The following PCDH15 variants were observed in gnomAD, a reference collection of about 807,000 sequenced individuals.
PCDH15 encodes the protein protocadherin related 15, also known as protocadherin-15.
PCDH15 carries 129 observed loss-of-function variants against 178.5 expected under a neutral mutation model. That is an observed-to-expected ratio of 0.72 (90% CI 0.63 to 0.84). The LOEUF is 0.84. Among genes scored for constraint, PCDH15 ranks in the 40% least tolerant of loss-of-function variants. PCDH15 has a pLI of 0.00. For synonymous variants in PCDH15, 800 were observed against 732.0 expected, an observed-to-expected ratio of 1.09 and a Z score of -1.50; for missense variants, 2,230 against 2,099.9, an observed-to-expected ratio of 1.06 and a Z score of -1.21.
chr10:54,503,285 A>G lies in PCDH15; in HGVS notation c.157+24527T>C, dbSNP rs1455041403. On this transcript the variant is annotated intron_variant, in intron 3 of 37. Coordinates refer to ENST00000644397, the MANE Select transcript of PCDH15 (RefSeq NM_001384140.1). Reference sequence around the variant, plus strand: ...TGTGTGATTATATATATTTATATATAATATATAAAATATTATATAATATAT... The same window carrying G: ...TGTGTGATTATATATATTTATATATGATATATAAAATATTATATAATATAT... 2.8e-5 allele frequency among the ~76,000 whole-genome samples: 4 copies of G among 143,758 alleles called. No homozygotes were observed. The East Asian group carries it at 8.6e-4, about 31-fold the overall frequency. The allele number at this position is 143,758 out of a possible 152,430, so 94.3% of individuals were successfully genotyped here.
intron 9 of PCDH15, among the ~76,000 whole-genome samples, chr10:54,219,111 A>C (rs1269351617): frequency 1.9e-4 from 28 of 144,944 alleles, no homozygotes; most frequent in African/African-American, 5.3e-4. Context: ...AAAAAAACAA[A>C]AAAAAAACAA....
intron 23 of PCDH15, among the ~76,000 whole-genome samples, chr10:53,943,985 C>T (rs534840736): frequency 6.6e-6 from 1 of 152,194 alleles, no homozygotes; most frequent in African/African-American, 2.4e-5. Flanking sequence ...TGCATACTCT[C>T]TTTGGAGTCA....
chr10:55,245,142 C>T (rs1192254021), intron 1 of PCDH15, among the ~76,000 whole-genome samples: 2 of 152,004 alleles, frequency 1.3e-5, no homozygotes, highest in Non-Finnish European at 2.9e-5. Flanking sequence ...TAGAGTGTAT[C>T]ATGATGTGTA....
At chr10:55,469,924 T>G (rs1417364095) in intron 2 of PCDH15, among the ~76,000 whole-genome samples, 3 of 152,150 alleles carry the variant, frequency 2.0e-5, no homozygotes, top group Non-Finnish European at 4.4e-5. Context: ...GCAGTATGTA[T>G]TCATCTTTCC....
chr10:53,922,762 A>C lies in PCDH15; in HGVS notation c.3373+16053T>G, dbSNP rs2084106466. ...CAAAACTGAACCACTAAACTGGTTA[A>C]AGTATCCAACTTTCTTGTGTATTTT... On this transcript the variant is annotated intron_variant, in intron 25 of 37. Coordinates refer to ENST00000644397, the MANE Select transcript of PCDH15 (RefSeq NM_001384140.1). Among the ~76,000 whole-genome samples, 3 of 152,180 alleles carry C rather than the reference A, an allele frequency of 2.0e-5. No individual in the cohort carries two copies. The South Asian group carries it at 6.2e-4, about 31-fold the overall frequency.
At chr10:54,735,448 G>C (rs1407466608) in intron 1 of PCDH15, among the ~76,000 whole-genome samples, 1 of 151,560 alleles carries the variant, frequency 6.6e-6, no homozygotes, top group Admixed American at 6.6e-5. Flanking sequence ...CATTGTGGAA[G>C]TCAGTGTGGC....
At chr10:55,001,831 C>T (rs977493409) in intron 2 of PCDH15, among the ~76,000 whole-genome samples, 1 of 152,210 alleles carries the variant, frequency 6.6e-6, no homozygotes, top group South Asian at 2.1e-4. Flanking sequence ...GCTGGAAAAG[C>T]AACCCCCTAA....
intron 20 of PCDH15, among the ~76,000 whole-genome samples, chr10:54,018,466 T>C (rs919453668): frequency 1.3e-5 from 2 of 152,110 alleles, no homozygotes; most frequent in African/African-American, 4.8e-5. Context: ...TAATGGACTT[T>C]AACTATAATC....
rs1218693447 is a variant in PCDH15 at position 55,604,122 on chromosome 10, C to G, written c.-156+23503G>C. Among the ~76,000 whole-genome samples the G allele has an allele frequency of 2.9e-5, 3 of 103,700 alleles. No individual in the cohort carries two copies. The East Asian group carries it at 7.6e-4, about 26-fold the overall frequency. The allele number at this position is 103,700 out of a possible 152,430, so 68.0% of individuals were successfully genotyped here. On this transcript the variant is annotated intron_variant, in intron 2 of 5. Transcript: ENST00000613346. ...AGTCTCTGATAAAACAGACTTTAAA[C>G]CAACAAAGATCAAAAGAGACAAAGA...
At chr10:54,362,212 T>C (rs1027026410) in intron 5 of PCDH15, among the ~76,000 whole-genome samples, 2 of 152,016 alleles carry the variant, frequency 1.3e-5, no homozygotes, top group African/African-American at 4.8e-5. Context: ...AGGTATGATA[T>C]CAGAAATGTG....
At chr10:54,571,689 G>T (rs2089863214) in intron 2 of PCDH15, among the ~76,000 whole-genome samples, 1 of 152,144 alleles carries the variant, frequency 6.6e-6, no homozygotes, top group African/African-American at 2.4e-5. Flanking sequence ...ATAGCTAGGA[G>T]CAAGGACATG....
Position 54,448,003 on chromosome 10 carries a change from A to G in PCDH15, c.158-69061T>C, listed in dbSNP as rs532296352. 2.1e-4 allele frequency among the ~76,000 whole-genome samples: 32 copies of G among 151,788 alleles called. No homozygotes were observed. The East Asian group carries it at 5.4e-3, about 26-fold the overall frequency. ...CATATGTTATAATATTTAACTGAAA[A>G]CAAAATCTTTCTTCTTAAGAAAAGA... is the stretch of plus-strand genomic sequence containing the variant. On this transcript the variant is annotated intron_variant, in intron 3 of 37. Transcript: ENST00000644397.
intron 3 of PCDH15, among the ~76,000 whole-genome samples, chr10:54,388,151 T>C (rs992814126): frequency 2.0e-5 from 3 of 152,194 alleles, no homozygotes; most frequent in Non-Finnish European, 4.4e-5. Flanking sequence ...CCTTATCGTA[T>C]TTGCTACAAG....
intron 2 of PCDH15, among the ~76,000 whole-genome samples, chr10:55,021,617 C>G (rs1840330798): frequency 6.6e-6 from 1 of 152,104 alleles, no homozygotes; most frequent in Admixed American, 6.6e-5. Flanking sequence ...TTTAAAATCT[C>G]AAATTAAAGT....
At chr10:54,305,196 AT>A (rs1417101568) in intron 8 of PCDH15, among the ~76,000 whole-genome samples, 1 of 152,082 alleles carries the variant, frequency 6.6e-6, no homozygotes, top group African/African-American at 2.4e-5. Context: ...ATTAAAATGC[AT>A]TAGCATGTCC....
chr10:54,709,236 A>G (rs906480655), intron 1 of PCDH15, among the ~76,000 whole-genome samples: 7 of 151,784 alleles, frequency 4.6e-5, no homozygotes, highest in African/African-American at 1.7e-4. Flanking sequence ...TAGTATTTGA[A>G]ACTTAATCAC....
At chr10:55,554,408 T>C (rs993978070) in intron 2 of PCDH15, among the ~76,000 whole-genome samples, 18 of 152,070 alleles carry the variant, frequency 1.2e-4, no homozygotes, top group African/African-American at 4.1e-4. Flanking sequence ...AGAGATCTCA[T>C]ATTCTTTTCC....
chr10:54,728,191 T>C, intron 1 of PCDH15, among the ~76,000 whole-genome samples: 1 of 151,468 alleles, frequency 6.6e-6, no homozygotes. Flanking sequence ...AACAAAATAC[T>C]AGCAAACTGA....
chr10:54,263,492 A>G (rs2057469046), intron 8 of PCDH15, among the ~76,000 whole-genome samples: 1 of 152,176 alleles, frequency 6.6e-6, no homozygotes, highest in South Asian at 2.1e-4. Context: ...TCCAGTGAGG[A>G]CAAGCATGCA....
Sources: gnomAD v4.1 joint callset for allele counts (sites outside exome capture counted in the v4.1 genomes callset) on GRCh38, gnomAD v4.1.1 for gene constraint, MANE v1.5 for transcripts, NCBI Gene and HGNC (gene_info 2026-07-23, HGNC 2026-07-21) for gene names.